Variants in MAGI2 observed in about 807,000 individuals in gnomAD.
MAGI2 encodes membrane-associated guanylate kinase, WW and PDZ domain-containing protein 2.
A neutral mutation model predicts 133.3 loss-of-function variants in MAGI2; 35 were observed. The ratio of observed to expected loss-of-function variants is 0.26; its 90% CI spans 0.20 to 0.35. The LOEUF (loss-of-function observed/expected upper bound fraction) is 0.35, where lower values mean the gene tolerates loss of function less well. MAGI2 is among the 10% of genes least tolerant of loss of function. MAGI2 has a pLI of 1.00. For missense variants in MAGI2, 1,636 were observed against 1,863.4 expected (o/e 0.88, Z 2.25); for synonymous variants, 729 against 710.6 (o/e 1.03, Z -0.41).
intron 2 of MAGI2, among the ~76,000 whole-genome samples, chr7:78,699,899 G>A (rs770976373): frequency 7.2e-5 from 11 of 151,832 alleles, no homozygotes; most frequent in Non-Finnish European, 1.2e-4. Flanking sequence ...AGAAAATTAG[G>A]CCACATGGAA....
intron 1 of MAGI2, among the ~76,000 whole-genome samples, chr7:79,147,833 C>A (rs1822798087): frequency 6.6e-6 from 1 of 152,138 alleles, no homozygotes; most frequent in African/African-American, 2.4e-5. Context: ...AGGTGCCAGG[C>A]CCTGGGTGCA....
At chr7:78,955,739 TTC>T (rs1440690291) in intron 2 of MAGI2, among the ~76,000 whole-genome samples, 1 of 58,660 alleles carries the variant, frequency 1.7e-5, no homozygotes, top group African/African-American at 5.7e-5. Context: ...CTTTCTTTCT[TTC>T]TTTCTTTCTT....
intron 2 of MAGI2, among the ~76,000 whole-genome samples, chr7:78,663,576 T>C (rs1171989501): frequency 2.0e-5 from 3 of 152,186 alleles, no homozygotes; most frequent in Non-Finnish European, 4.4e-5. Context: ...AAGGCATAAC[T>C]GAGATGACCA....
intron 6 of MAGI2, among the ~76,000 whole-genome samples, chr7:78,442,124 T>A (rs1473593262): frequency 6.6e-6 from 1 of 152,178 alleles, no homozygotes; most frequent in African/African-American, 2.4e-5. Flanking sequence ...GCTTCTCCTC[T>A]GTTTCTTGCT....
intron 7 of MAGI2, among the ~76,000 whole-genome samples, chr7:78,350,746 A>G (rs960394498): frequency 1.3e-5 from 2 of 152,112 alleles, no homozygotes; most frequent in African/African-American, 4.8e-5. Flanking sequence ...TGGAGAGGAA[A>G]GGGAGGAATT....
intron 2 of MAGI2, among the ~76,000 whole-genome samples, chr7:78,676,291 A>T (rs1471815685): frequency 6.6e-6 from 1 of 152,182 alleles, no homozygotes; most frequent in Admixed American, 6.6e-5. Context: ...ACTGTATAAA[A>T]GGAGGATAAG....
chr7:78,443,522 C>G (rs2151464180), intron 6 of MAGI2, among the ~76,000 whole-genome samples: 1 of 152,250 alleles, frequency 6.6e-6, no homozygotes, highest in Admixed American at 6.5e-5. Context: ...TAAACATTTT[C>G]TAAGTTGATA....
chr7:78,386,833 A>G (rs1227262440), intron 6 of MAGI2, among the ~76,000 whole-genome samples: 2 of 152,192 alleles, frequency 1.3e-5, no homozygotes, highest in Non-Finnish European at 2.9e-5. Flanking sequence ...AGAGGGCCCC[A>G]GGCTTTAATA....
At chr7:78,935,304 T>C (rs1289625433) in intron 2 of MAGI2, among the ~76,000 whole-genome samples, 1 of 152,168 alleles carries the variant, frequency 6.6e-6, no homozygotes, top group Non-Finnish European at 1.5e-5. Flanking sequence ...GTTGAATATG[T>C]TTATAAAATT....
At chr7:78,701,405 T>C (rs978924339) in intron 2 of MAGI2, among the ~76,000 whole-genome samples, 1 of 151,816 alleles carries the variant, frequency 6.6e-6, no homozygotes, top group African/African-American at 2.4e-5. Context: ...ATGCAGATCA[T>C]ATTTGTAATA....
At chr7:78,177,976 GC>G in intron 14 of MAGI2, 34 bp downstream of exon 14, 2 of 1,434,550 alleles carry the variant, frequency 1.4e-6, no homozygotes, top group Admixed American at 3.4e-5. Flanking sequence ...ATACAATACA[GC>G]CCCAAGCATG....
intron 3 of MAGI2, among the ~76,000 whole-genome samples, chr7:78,620,272 T>C (rs1212338270): frequency 6.6e-6 from 1 of 151,982 alleles, no homozygotes; most frequent in East Asian, 1.9e-4. Flanking sequence ...TGAGTATCTC[T>C]TTATCACCCA....
intron 21 of MAGI2, among the ~76,000 whole-genome samples, chr7:78,070,214 T>C (rs78016840): frequency 0.4 from 20,935 of 52,110 alleles, 2,464 homozygotes; most frequent in East Asian, 0.44. Flanking sequence ...TATATATATA[T>C]ATATACACAC....
intron 2 of MAGI2, among the ~76,000 whole-genome samples, chr7:78,933,770 C>G (rs112222650): frequency 0.011 from 1,630 of 152,080 alleles, 23 homozygotes; most frequent in African/African-American, 0.038. Flanking sequence ...CATAAGAGAA[C>G]AATAAATCAT....
intron 3 of MAGI2, among the ~76,000 whole-genome samples, chr7:78,527,027 A>G (rs1055058142): frequency 6.7e-6 from 1 of 149,756 alleles, no homozygotes; most frequent in Admixed American, 6.6e-5. Context: ...AAAAAAAAAA[A>G]AAAAAAAGAA....
chr7:79,134,251 T>A (rs1034803075), intron 1 of MAGI2, among the ~76,000 whole-genome samples: 1 of 152,194 alleles, frequency 6.6e-6, no homozygotes, highest in Non-Finnish European at 1.5e-5. Context: ...TACTCAGTTA[T>A]TAGTTGATAT....
intron 1 of MAGI2, among the ~76,000 whole-genome samples, chr7:79,207,027 A>G (rs1376605013): frequency 6.6e-6 from 1 of 151,950 alleles, no homozygotes; most frequent in Non-Finnish European, 1.5e-5. Flanking sequence ...TGACAATGAA[A>G]ATTCTCAACA....
At chr7:78,591,179 T>C (rs1323176985) in intron 3 of MAGI2, among the ~76,000 whole-genome samples, 1 of 152,076 alleles carries the variant, frequency 6.6e-6, no homozygotes, top group East Asian at 1.9e-4. Flanking sequence ...ACATAGGAAA[T>C]GCTTTGGGAG....
At chr7:78,536,961 C>T (rs1375584935) in intron 3 of MAGI2, among the ~76,000 whole-genome samples, 1 of 152,094 alleles carries the variant, frequency 6.6e-6, no homozygotes, top group East Asian at 1.9e-4. Flanking sequence ...CCTTGCTCCT[C>T]TTCCATGCTT....
Sources: allele counts gnomAD v4.1 joint callset (sites outside exome capture counted in the v4.1 genomes callset), GRCh38; gene constraint gnomAD v4.1.1; transcripts MANE v1.5; gene names NCBI Gene and HGNC (gene_info 2026-07-23, HGNC 2026-07-21).